Variants in MUC12 observed in about 807,000 individuals in gnomAD.
The protein encoded by MUC12 is mucin 12, cell surface associated, also known as mucin-12.
MUC12 carries 172 observed loss-of-function variants against 230.8 expected under a neutral mutation model. The ratio of observed to expected loss-of-function variants is 0.75; its 90% CI spans 0.66 to 0.85. The LOEUF is 0.85. MUC12 is among the 40% of genes least tolerant of loss of function. The pLI is 0.00. For missense variants in MUC12, 3,506 were observed against 5,920.6 expected, an observed-to-expected ratio of 0.59 and a Z score of 13.38; for synonymous variants, 1,259 against 2,401.9, an observed-to-expected ratio of 0.52 and a Z score of 13.91.
chr7:100,979,073 G>A (rs1563085857), intron 1 of MUC12, among the ~76,000 whole-genome samples: 3 of 152,166 alleles, frequency 2.0e-5, no homozygotes, highest in East Asian at 1.9e-4. Context: ...GCCTCCCAAA[G>A]TGCTGGGATT....
At chr7:101,017,711 C>T in intron 11 of MUC12, 48 bp downstream of exon 11, 3 of 1,391,368 alleles carry the variant, frequency 2.2e-6, no homozygotes, top group Non-Finnish European at 2.0e-6. Context: ...GCTCCACTTC[C>T]TCTGGGGTTC....
Position 101,004,706 on chromosome 7 carries a change from T to C in MUC12, c.14143T>C (p.Tyr4715His), listed in dbSNP as rs1434229485. Residue 4715 changes from tyrosine (Y) to histidine (H), a missense_variant, in exon 2 of 12, where the codon TAT (tyrosine) becomes CAT (histidine). Coordinates refer to ENST00000536621, the MANE Select transcript of MUC12 (RefSeq NM_001164462.2). ...SGRIAESTTF[Y>H]ISPGSMETTL... is the part of the protein sequence containing the mutation. The stretch of plus-strand genomic sequence containing the variant: ...CCGCATTGCAGAATCTACCACCTTC[T>C]ATATCTCTCCAGGCTCAATGGAAAC... The C allele has an allele frequency of 2.6e-6, 4 of 1,537,762 alleles. No homozygotes were observed. Among genetic ancestry groups the C allele is most frequent in the South Asian group, 1.2e-5 (1 of 84,054 alleles).
chr7:101,008,779 C>G lies in MUC12; in HGVS notation c.15186+18C>G, dbSNP rs1381921839. On this transcript the variant is annotated intron_variant, in intron 4 of 11. Coordinates refer to ENST00000536621, the MANE Select transcript of MUC12 (RefSeq NM_001164462.2). ...AGAATCGGGTAAGACCAGGGCACAC[C>G]CAGACACCCCAGGGTGATGTCCCAC... 2 of 1,534,356 alleles carry G rather than the reference C, an allele frequency of 1.3e-6. No homozygotes were observed. The highest frequency in any genetic ancestry group is 2.7e-5 in the African/African-American group (2 of 72,970).
rs1357220035 is a variant in MUC12 at position 100,992,166 on chromosome 7, G to A, written c.1603G>A (p.Ala535Thr). The change falls in exon 2 of 12, where the codon GCA (alanine) becomes ACA (threonine). Residue 535 changes from alanine to threonine, a missense_variant. Coordinates refer to ENST00000536621, the MANE Select transcript of MUC12 (RefSeq NM_001164462.2). ...HSRPGSTHTT[A>T]FPGSTTMPGL... ...CCGACCAGGCTCAACACACACAACA[G>A]CATTCCCTGGCAGTACCACCATGCC... 1.3e-6 allele frequency: 2 copies of A among 1,537,696 alleles called. No homozygotes were observed. Among genetic ancestry groups the A allele is most frequent in the Non-Finnish European group, 1.7e-6 (2 of 1,147,026 alleles).
chr7:101,016,891 G>A lies in MUC12; in HGVS notation c.15878-684G>A, dbSNP rs1394980059. ...CTGAGGAGGAGGCTGCAAGGCTCGT[G>A]CCTGTCTGAATCTCCGGGAGGGGTC... On this transcript the variant is annotated intron_variant, in intron 10 of 11. Coordinates refer to ENST00000536621, the MANE Select transcript of MUC12 (RefSeq NM_001164462.2). 3 of 152,616 alleles carry A rather than the reference G, an allele frequency of 2.0e-5. No individual in the cohort carries two copies. The East Asian group carries it at 5.8e-4, about 29-fold the overall frequency. The allele number at this position is 152,616 out of a possible 1,614,324, so 9.5% of individuals were successfully genotyped here.
intron 1 of MUC12, 34 bp from the exon 2 acceptor site, chr7:100,990,597 C>G: frequency 6.5e-7 from 1 of 1,536,920 alleles, no homozygotes; most frequent in Non-Finnish European, 8.7e-7. Context: ...AGTCATAAAT[C>G]ATAGCACTTT....
Position 100,995,480 on chromosome 7 carries a change from A to C in MUC12, c.4917A>C (p.Pro1639=), listed in dbSNP as rs1439566177. The part of the protein sequence containing the change: ...GPESTTFHSS[P]GSTETTLLPD... The stretch of plus-strand genomic sequence containing the variant: ...AATCTACTACTTTCCACAGCAGCCC[A>C]GGCTCCACTGAAACAACACTCTTAC... Residue 1639 remains proline, a synonymous_variant, in exon 2 of 12, where the codon CCA becomes CCC. Coordinates refer to ENST00000536621, the MANE Select transcript of MUC12 (RefSeq NM_001164462.2). 6.5e-7 allele frequency: 1 copy of C among 1,533,970 alleles called. No individual in the cohort carries two copies. Among genetic ancestry groups the C allele is most frequent in the African/African-American group, 1.4e-5 (1 of 70,760 alleles).
At position 100,991,380 on chromosome 7, in the gene MUC12, G is replaced by C. The variant is rs1478386288; in HGVS notation, c.817G>C (p.Gly273Arg). 1.3e-6 allele frequency: 2 copies of C among 1,537,756 alleles called. No homozygotes were observed. The highest frequency in any genetic ancestry group is 4.9e-5 in the East Asian group (2 of 40,904). The change falls in exon 2 of 12, where the codon GGA (glycine) becomes CGA (arginine). Residue 273 changes from glycine (G) to arginine (R), a missense_variant. Transcript: ENST00000536621. The stretch of plus-strand genomic sequence containing the variant: ...CCCTTCCAGCTCTACAACCCATGAG[G>C]GAGAACCTACCACCTTCCAGAGCTG... ...LSPSSSTTHEGEPTTFQSWPS... is the reference protein window; with the variant it reads ...LSPSSSTTHEREPTTFQSWPS...
rs771302884 is a variant in MUC12 at position 101,005,142 on chromosome 7, C to G, written c.14579C>G (p.Thr4860Ser). 58 of 1,537,996 alleles carry G rather than the reference C, an allele frequency of 3.8e-5. No individual in the cohort carries two copies. The highest frequency in any genetic ancestry group is 5.0e-5 in the Non-Finnish European group (57 of 1,147,082). The part of the protein sequence containing the change: ...STTFYSSPGS[T>S]ETTAFSHSNT... ...ACCTTCTACAGCAGCCCAGGCTCAA[C>G]TGAAACCACAGCGTTTTCTCACAGC... The change falls in exon 2 of 12, where the codon ACT becomes AGT. Residue 4860 changes from threonine (T) to serine (S), a missense_variant. Thr to Ser is a moderately conservative substitution (Grantham distance 58, BLOSUM62 1). Transcript: ENST00000536621.
intron 1 of MUC12, among the ~76,000 whole-genome samples, chr7:100,990,192 G>A (rs1304369676): frequency 6.6e-6 from 1 of 152,214 alleles, no homozygotes; most frequent in African/African-American, 2.4e-5. Flanking sequence ...GCGGGCCAGC[G>A]AAGCTGAGCT....
At chr7:100,980,804 G>A (rs1230036723) in intron 1 of MUC12, among the ~76,000 whole-genome samples, 1 of 152,080 alleles carries the variant, frequency 6.6e-6, no homozygotes, top group Non-Finnish European at 1.5e-5. Context: ...TGTGGTCTCA[G>A]GTACTCTGGA....
chr7:100,995,806 C>A lies in MUC12; in HGVS notation c.5243C>A (p.Pro1748Gln), dbSNP rs1311133601. Residue 1748 changes from proline to glutamine, a missense_variant, in exon 2 of 12, where the codon CCA becomes CAA. Pro to Gln is a moderately conservative substitution (Grantham distance 76). Coordinates refer to ENST00000536621, the MANE Select transcript of MUC12 (RefSeq NM_001164462.2). Reference protein sequence around the residue: ...SEESTTVHSSPVATATTPSPA... With the variant: ...SEESTTVHSSQVATATTPSPA... ...GAATCGACAACAGTCCACAGCAGCCCAGTTGCAACTGCAACAACACCCTCG... is the reference window on the plus strand; with the variant it reads ...GAATCGACAACAGTCCACAGCAGCCAAGTTGCAACTGCAACAACACCCTCG... The A allele has an allele frequency of 3.3e-6, 5 of 1,493,844 alleles. No individual in the cohort carries two copies. Among genetic ancestry groups the A allele is most frequent in the Non-Finnish European group, 4.5e-6 (5 of 1,115,138 alleles). The allele number at this position is 1,493,844 out of a possible 1,614,324, so 92.5% of individuals were successfully genotyped here.
Position 101,014,081 on chromosome 7 carries a change from T to C in MUC12, c.15800+7T>C, listed in dbSNP as rs779047463. ...CCCAGAGAAAACGGCACAGGTGAGC[T>C]TGTGAGGCCAGCACCGCAGGCCCAC... On this transcript the variant is annotated splice_region_variant and intron_variant, in intron 9 of 11. Transcript: ENST00000536621. 1 of 1,527,942 alleles carries C rather than the reference T, an allele frequency of 6.5e-7. No homozygotes were observed. The highest frequency in any genetic ancestry group is 8.8e-7 in the Non-Finnish European group (1 of 1,141,624). 94.6% of individuals were successfully genotyped at this position (1,527,942 alleles called of 1,614,324 possible).
chr7:100,975,190 AC>A (rs1563084563), intron 1 of MUC12, among the ~76,000 whole-genome samples: 13 of 152,408 alleles, frequency 8.5e-5, no homozygotes, highest in African/African-American at 3.1e-4. Flanking sequence ...AGGGATCCAC[AC>A]GATGACTGGA....
In MUC12 at chr7:101,005,536, T is replaced by C. The variant is rs1369491289; in HGVS notation, c.14956+17T>C. Reference sequence around the variant, plus strand: ...TAGCACCAGGTACTGCTCTTTCCATTTCATCCACGTTTAGCTTCTTCTCCA... The same window carrying C: ...TAGCACCAGGTACTGCTCTTTCCATCTCATCCACGTTTAGCTTCTTCTCCA... On this transcript the variant is annotated intron_variant, in intron 2 of 11. Coordinates refer to ENST00000536621, the MANE Select transcript of MUC12 (RefSeq NM_001164462.2). 1 of 1,525,528 alleles carries C rather than the reference T, an allele frequency of 6.6e-7. No individual in the cohort carries two copies. The highest frequency in any genetic ancestry group is 1.2e-5 in the South Asian group (1 of 82,560). 94.5% of individuals were successfully genotyped at this position (1,525,528 alleles called of 1,614,324 possible).
chr7:101,005,118 C>G lies in MUC12; in HGVS notation c.14555C>G (p.Thr4852Ser). 1 of 1,537,958 alleles carries G rather than the reference C, an allele frequency of 6.5e-7. No individual in the cohort carries two copies. Among genetic ancestry groups the G allele is most frequent in the African/African-American group, 1.4e-5 (1 of 73,164 alleles). ...TVPGLSEESTTFYSSPGSTET... is the reference protein window; with the variant it reads ...TVPGLSEESTSFYSSPGSTET... ...CCAGGCCTTAGTGAGGAATCTACCA[C>G]CTTCTACAGCAGCCCAGGCTCAACT... Residue 4852 changes from threonine (T) to serine (S), a missense_variant, in exon 2 of 12, where the codon ACC (threonine) becomes AGC (serine). Coordinates refer to ENST00000536621, the MANE Select transcript of MUC12 (RefSeq NM_001164462.2).
At chr7:100,972,231 G>A in intron 1 of MUC12, 1 of 702,450 alleles carries the variant, frequency 1.4e-6, no homozygotes, top group East Asian at 2.7e-5. Context: ...TCAGAGAGAG[G>A]ATGAGTGATT....
rs1461302436 is a variant in MUC12, at chr7:101,012,389, A to G, written c.15345A>G (p.Val5115=). 6.5e-7 allele frequency: 1 copy of G among 1,537,780 alleles called. No individual in the cohort carries two copies. The highest frequency in any genetic ancestry group is 2.0e-5 in the Admixed American group (1 of 50,998). Residue 5115 remains valine, a synonymous_variant, in exon 6 of 12, where the codon GTA becomes GTG. Coordinates refer to ENST00000536621, the MANE Select transcript of MUC12 (RefSeq NM_001164462.2). ...TGTTTGAAAACCTGGCAGAGATTGT[A>G]AAGGCCAAGATTATGAATGAAACTA... ...EELFENLAEI[V]KAKIMNETRT...
At position 101,004,770 on chromosome 7, in the gene MUC12, C is replaced by T. The variant is rs749821689; in HGVS notation, c.14207C>T (p.Ala4736Val). Residue 4736 changes from alanine (A) to valine (V), a missense_variant, in exon 2 of 12, where the codon GCA becomes GTA. Coordinates refer to ENST00000536621, the MANE Select transcript of MUC12 (RefSeq NM_001164462.2). ...ASTATTPGLS[A>V]KSTILYSSSR... ...ACTGCCACAACACCAGGCCTCAGTGCAAAATCTACCATCCTTTACAGTAGC... is the reference window on the plus strand; with the variant it reads ...ACTGCCACAACACCAGGCCTCAGTGTAAAATCTACCATCCTTTACAGTAGC... 9 of 1,537,252 alleles carry T rather than the reference C, an allele frequency of 5.9e-6. No individual in the cohort carries two copies. Among genetic ancestry groups the T allele is most frequent in the Non-Finnish European group, 7.8e-6 (9 of 1,146,648 alleles).
Sources: allele counts gnomAD v4.1 joint callset (sites outside exome capture counted in the v4.1 genomes callset), GRCh38; gene constraint gnomAD v4.1.1; transcripts MANE v1.5; gene names NCBI Gene and HGNC (gene_info 2026-07-23, HGNC 2026-07-21).